Variants in CDH12 observed in about 807,000 individuals in gnomAD.
CDH12 encodes cadherin-12.
CDH12 carries 41 observed loss-of-function variants against 74.1 expected under a neutral mutation model. The observed-to-expected ratio is 0.55, with a 90% CI of 0.43 to 0.72. The LOEUF is 0.72. Among genes scored for constraint, CDH12 ranks in the 30% least tolerant of loss-of-function variants. The pLI is 0.00. For missense variants in CDH12, 945 were observed against 977.2 expected (o/e 0.97, Z 0.44); for synonymous variants, 399 against 355.0 (o/e 1.12, Z -1.39).
At chr5:22,795,711 T>A (rs1161472939) in intron 1 of CDH12, among the ~76,000 whole-genome samples, 1 of 151,752 alleles carries the variant, frequency 6.6e-6, no homozygotes, top group Non-Finnish European at 1.5e-5. Flanking sequence ...GTATGGTAAC[T>A]AGCAAGAGCA....
intron 2 of CDH12, among the ~76,000 whole-genome samples, chr5:22,442,996 G>A (rs1275041658): frequency 1.3e-5 from 2 of 152,050 alleles, no homozygotes; most frequent in Non-Finnish European, 2.9e-5. Flanking sequence ...TAATAGCACA[G>A]GTCTTGCCTA....
intron 1 of CDH12, among the ~76,000 whole-genome samples, chr5:22,564,481 T>G (rs1386542636): frequency 6.6e-6 from 1 of 152,234 alleles, no homozygotes; most frequent in Non-Finnish European, 1.5e-5. Flanking sequence ...CCAAACATTA[T>G]TATTGTTCTT....
At chr5:22,061,270 T>C (rs1241228265) in intron 5 of CDH12, among the ~76,000 whole-genome samples, 1 of 152,184 alleles carries the variant, frequency 6.6e-6, no homozygotes, top group African/African-American at 2.4e-5. Flanking sequence ...AGTGTATTGA[T>C]TAAATGTCAG....
chr5:22,768,906 A>C (rs2127067151), intron 1 of CDH12, among the ~76,000 whole-genome samples: 1 of 152,298 alleles, frequency 6.6e-6, no homozygotes. Context: ...CTCTTCTAAT[A>C]TCATTATTTT....
At chr5:22,195,438 G>A (rs1750564414) in intron 4 of CDH12, among the ~76,000 whole-genome samples, 1 of 152,188 alleles carries the variant, frequency 6.6e-6, no homozygotes, top group African/African-American at 2.4e-5. Flanking sequence ...ATGTCAATGT[G>A]TTGAATTGTA....
At chr5:22,270,853 T>A (rs890221554) in intron 3 of CDH12, among the ~76,000 whole-genome samples, 1 of 151,846 alleles carries the variant, frequency 6.6e-6, no homozygotes, top group Non-Finnish European at 1.5e-5. Flanking sequence ...TTTTTGTGTA[T>A]TTAGTACAGA....
intron 3 of CDH12, among the ~76,000 whole-genome samples, chr5:22,370,577 T>G (rs1265091585): frequency 6.6e-6 from 1 of 152,182 alleles, no homozygotes; most frequent in African/African-American, 2.4e-5. Context: ...CTAACATCTT[T>G]GAGTATTTTC....
chr5:22,720,941 G>A (rs150466547), intron 1 of CDH12, among the ~76,000 whole-genome samples: 221 of 152,334 alleles, frequency 1.5e-3, no homozygotes, highest in Non-Finnish European at 2.1e-3. Context: ...TTTGGAAAAT[G>A]TTCAGCCTAA....
chr5:22,361,357 G>A (rs1740792882), intron 3 of CDH12, among the ~76,000 whole-genome samples: 3 of 152,044 alleles, frequency 2.0e-5, no homozygotes. Flanking sequence ...AAAAACCTAG[G>A]AATCCCACTT....
intron 4 of CDH12, among the ~76,000 whole-genome samples, chr5:22,159,909 C>CTGTGTGCG (rs1423246337): frequency 1.3e-5 from 2 of 152,062 alleles, no homozygotes; most frequent in African/African-American, 2.4e-5. Flanking sequence ...CAAAATGTGT[C>CTGTGTGCG]TGTGTGCGTG....
intron 3 of CDH12, among the ~76,000 whole-genome samples, chr5:22,231,328 A>C (rs1321035731): frequency 6.6e-6 from 1 of 152,110 alleles, no homozygotes; most frequent in East Asian, 1.9e-4. Context: ...GATATTATTA[A>C]GCACAGATTA....
intron 3 of CDH12, among the ~76,000 whole-genome samples, chr5:22,292,214 G>A (rs574873329): frequency 6.6e-6 from 1 of 151,902 alleles, no homozygotes; most frequent in Non-Finnish European, 1.5e-5. Context: ...AGGGATTAAA[G>A]AATTAATTAC....
At chr5:22,028,377 A>C (rs1434403972) in intron 5 of CDH12, among the ~76,000 whole-genome samples, 1 of 152,136 alleles carries the variant, frequency 6.6e-6, no homozygotes, top group Non-Finnish European at 1.5e-5. Context: ...GTCTCAGCCC[A>C]AAATCTCCTT....
At chr5:22,843,624 G>A (rs1324746002) in intron 1 of CDH12, among the ~76,000 whole-genome samples, 1 of 151,320 alleles carries the variant, frequency 6.6e-6, no homozygotes, top group African/African-American at 2.4e-5. Context: ...GTGTGTGTGT[G>A]TGTGTGTGTG....
At chr5:22,490,202 G>A (rs899455053) in intron 2 of CDH12, among the ~76,000 whole-genome samples, 2 of 152,078 alleles carry the variant, frequency 1.3e-5, no homozygotes, top group African/African-American at 4.8e-5. Flanking sequence ...ATATTCTTAT[G>A]TGATATTACG....
chr5:22,740,084 C>T (rs1433004561), intron 1 of CDH12, among the ~76,000 whole-genome samples: 1 of 152,066 alleles, frequency 6.6e-6, no homozygotes, highest in Non-Finnish European at 1.5e-5. Flanking sequence ...TAAGTTCTTA[C>T]ATAATTGAAT....
chr5:22,002,822 G>A lies in CDH12; in HGVS notation c.232-27437C>T, dbSNP rs541003939. Among the ~76,000 whole-genome samples, 157 of 152,000 alleles carry A rather than the reference G, an allele frequency of 1.0e-3. 4 individuals carry two copies. Among genetic ancestry groups the A allele is most frequent in the African/African-American group, 3.3e-3 (135 of 41,488 alleles). On this transcript the variant is annotated intron_variant, in intron 5 of 14. Coordinates refer to ENST00000382254, the MANE Select transcript of CDH12 (RefSeq NM_004061.5). ...ATATGGAAAAAAAAATCAATATAAC[G>A]AACATTTTCATAAGCTCAGATTTCC...
intron 2 of CDH12, among the ~76,000 whole-genome samples, chr5:22,467,707 A>G (rs918746014): frequency 1.3e-5 from 2 of 152,210 alleles, no homozygotes; most frequent in African/African-American, 4.8e-5. Context: ...TGCATGTAAT[A>G]TCTAATATTA....
intron 6 of CDH12, among the ~76,000 whole-genome samples, chr5:21,926,774 G>A (rs368988261): frequency 6.6e-6 from 1 of 152,306 alleles, no homozygotes; most frequent in Middle Eastern, 3.4e-3. Context: ...TCAGCTGTAG[G>A]AGCGGGAGTG....
Sources: allele counts gnomAD v4.1 joint callset (sites outside exome capture counted in the v4.1 genomes callset), GRCh38; gene constraint gnomAD v4.1.1; transcripts MANE v1.5; gene names NCBI Gene and HGNC (gene_info 2026-07-23, HGNC 2026-07-21).